FSHR: variants seen among roughly 807,000 people sequenced by gnomAD.
FSHR encodes follicle-stimulating hormone receptor.
A neutral mutation model predicts 52.1 loss-of-function variants in FSHR; 46 were observed. The ratio of observed to expected loss-of-function variants is 0.88; its 90% CI spans 0.70 to 1.13. FSHR has a LOEUF of 1.13. Ranked by LOEUF, FSHR falls within the 50% of genes most tolerant of loss-of-function variation. The probability of loss-of-function intolerance (pLI) is 0.00; values close to 1 mark genes in which losing one functional copy is unlikely to be tolerated. For synonymous variants in FSHR, 399 were observed against 309.6 expected, an observed-to-expected ratio of 1.29 and a Z score of -3.03; for missense variants, 964 against 834.6, an observed-to-expected ratio of 1.16 and a Z score of -1.91.
chr2:49,082,281 G>A (rs1340143156), intron 1 of FSHR, among the ~76,000 whole-genome samples: 2 of 152,104 alleles, frequency 1.3e-5, no homozygotes, highest in South Asian at 4.2e-4. Flanking sequence ...CTGCAGCTGA[G>A]GGTCCTGTCT....
At chr2:49,030,309 T>A (rs1351327095) in intron 2 of FSHR, among the ~76,000 whole-genome samples, 3 of 143,808 alleles carry the variant, frequency 2.1e-5, no homozygotes, top group Non-Finnish European at 3.1e-5. Context: ...TGTGTGTGTG[T>A]GTGTGTTATT....
At chr2:49,043,809 C>A (rs945426255) in intron 2 of FSHR, among the ~76,000 whole-genome samples, 3 of 152,174 alleles carry the variant, frequency 2.0e-5, no homozygotes, top group African/African-American at 7.2e-5. Flanking sequence ...GAGCCTGCAA[C>A]CTCTTTGAGA....
intron 4 of FSHR, among the ~76,000 whole-genome samples, chr2:48,992,234 C>G (rs755887234): frequency 2.0e-4 from 30 of 152,106 alleles, no homozygotes; most frequent in Non-Finnish European, 4.3e-4. Flanking sequence ...GGTCTATGGG[C>G]TAAGACAAAT....
At chr2:49,071,641 A>T (rs1437852911) in intron 1 of FSHR, among the ~76,000 whole-genome samples, 1 of 152,184 alleles carries the variant, frequency 6.6e-6, no homozygotes, top group Non-Finnish European at 1.5e-5. Context: ...ATAAAGGAAT[A>T]CTTGAAACTA....
chr2:49,142,695 A>C (rs1672733443), intron 1 of FSHR, among the ~76,000 whole-genome samples: 1 of 152,190 alleles, frequency 6.6e-6, no homozygotes, highest in South Asian at 2.1e-4. Flanking sequence ...ATTCAAGTGA[A>C]ACAAGGAAAT....
intron 1 of FSHR, among the ~76,000 whole-genome samples, chr2:49,095,268 C>A: frequency 6.6e-6 from 1 of 152,090 alleles, no homozygotes; most frequent in Admixed American, 6.6e-5. Context: ...AGCAGTGGCA[C>A]AAAGACAAAC....
At chr2:49,151,499 T>A (rs748133155) in intron 1 of FSHR, among the ~76,000 whole-genome samples, 1 of 152,126 alleles carries the variant, frequency 6.6e-6, no homozygotes, top group Non-Finnish European at 1.5e-5. Flanking sequence ...CATAGGAAAT[T>A]AGCAATCTTT....
intron 2 of FSHR, among the ~76,000 whole-genome samples, chr2:49,053,747 G>C (rs1668955009): frequency 6.6e-6 from 1 of 152,172 alleles, no homozygotes; most frequent in Non-Finnish European, 1.5e-5. Flanking sequence ...AGAGGAGGCT[G>C]GGTTAAACTG....
chr2:49,141,495 G>A (rs1476205449), intron 1 of FSHR, among the ~76,000 whole-genome samples: 3 of 151,890 alleles, frequency 2.0e-5, no homozygotes, highest in African/African-American at 4.8e-5. Context: ...AGGAGTTCAC[G>A]GGAAGTCACT....
chr2:49,035,024 G>T (rs971373637), intron 2 of FSHR, among the ~76,000 whole-genome samples: 1 of 152,196 alleles, frequency 6.6e-6, no homozygotes, highest in East Asian at 1.9e-4. Flanking sequence ...TGCAGATGGG[G>T]CTGCTTCCTC....
intron 4 of FSHR, among the ~76,000 whole-genome samples, chr2:49,013,513 T>TATATAAATATATATATATAA (rs1553333459): frequency 2.2e-5 from 3 of 136,588 alleles, no homozygotes; most frequent in Admixed American, 7.6e-5. Flanking sequence ...TATATATATA[T>TATATAAATATATATATATAA]ATAAATATAT....
intron 4 of FSHR, among the ~76,000 whole-genome samples, chr2:49,007,476 G>C (rs1015972060): frequency 6.6e-6 from 1 of 152,160 alleles, no homozygotes; most frequent in Non-Finnish European, 1.5e-5. Context: ...TGGCAAGGGA[G>C]CTTGTGGACC....
chr2:48,997,462 A>C lies in FSHR; in HGVS notation c.375-6825T>G, dbSNP rs189629466. 6.8e-5 allele frequency: 60 copies of C among 878,812 alleles called. No individual in the cohort carries two copies. In the African/African-American group the frequency reaches 1.1e-3, roughly 16 times the overall value. 54.4% of individuals were successfully genotyped at this position (878,812 alleles called of 1,614,324 possible). A position where few individuals can be genotyped will look rare whatever the true frequency, so the allele number is the denominator to read the frequency against. On this transcript the variant is annotated intron_variant, in intron 4 of 9. Transcript: ENST00000406846. Reference sequence around the variant, plus strand: ...TTCGGACCTAGCATCCTAGATTTGCAATCAGCCTCTGTTTTTGAGCAGGGC... The same window carrying C: ...TTCGGACCTAGCATCCTAGATTTGCCATCAGCCTCTGTTTTTGAGCAGGGC...
chr2:49,106,282 G>T (rs564966767), intron 1 of FSHR, among the ~76,000 whole-genome samples: 1 of 152,164 alleles, frequency 6.6e-6, no homozygotes, highest in Non-Finnish European at 1.5e-5. Context: ...CTAGGAGTGA[G>T]TGACTATATC....
rs982328955 is a variant in FSHR at position 49,116,761 on chromosome 2, T to C, written c.152+37505A>G. ...AAATAATGGGGTACAATATGATAGT[T>C]TGATGCACATGTACATTGTAGAATG... is the stretch of plus-strand genomic sequence containing the variant. On this transcript the variant is annotated intron_variant, in intron 1 of 9. Transcript: ENST00000406846. 2.0e-5 allele frequency among the ~76,000 whole-genome samples: 3 copies of C among 152,284 alleles called. No homozygotes were observed. In the East Asian group the frequency reaches 5.8e-4, roughly 29 times the overall value.
intron 1 of FSHR, among the ~76,000 whole-genome samples, chr2:49,120,731 C>T (rs35916666): frequency 0.16 from 24,876 of 152,164 alleles, 2,396 homozygotes; most frequent in South Asian, 0.27. Context: ...GCCTCACTCT[C>T]TTCCAGGAAA....
chr2:49,046,044 A>T (rs552810976), intron 2 of FSHR, among the ~76,000 whole-genome samples: 2 of 152,262 alleles, frequency 1.3e-5, no homozygotes, highest in Admixed American at 1.3e-4. Flanking sequence ...GACTTCTTAG[A>T]TGTTGATCTC....
intron 4 of FSHR, among the ~76,000 whole-genome samples, chr2:48,994,234 C>T (rs571014005): frequency 2.0e-5 from 3 of 152,264 alleles, no homozygotes; most frequent in African/African-American, 7.2e-5. Context: ...GTAGCAACTT[C>T]CCCATCTCTC....
rs763159868 is a variant in FSHR, at chr2:49,020,168, G to GA, written c.225-9dup. The GA allele has an allele frequency of 3.1e-6, 5 of 1,609,552 alleles. No homozygotes were observed. The highest frequency in any genetic ancestry group is 1.6e-4 in the Middle Eastern group (1 of 6,078). ...TCATTCTGAGAGATCTCTCTGTGGA[G>GA]AAAAAAATATATAAGTCAAGCCAGT... is the stretch of plus-strand genomic sequence containing the variant. On this transcript the variant is annotated splice_polypyrimidine_tract_variant and intron_variant, in intron 2 of 9. Coordinates refer to ENST00000406846, the MANE Select transcript of FSHR (RefSeq NM_000145.4).
Sources: gnomAD v4.1 joint callset for allele counts (sites outside exome capture counted in the v4.1 genomes callset) on GRCh38, gnomAD v4.1.1 for gene constraint, MANE v1.5 for transcripts, NCBI Gene and HGNC (gene_info 2026-07-23, HGNC 2026-07-21) for gene names.